The following PLA2G12B variants were observed in gnomAD, a reference collection of about 807,000 sequenced individuals.
PLA2G12B encodes group XIIB secretory phospholipase A2-like protein.
Under a neutral mutation model 22.3 loss-of-function variants are expected in PLA2G12B, and 19 were observed. The observed-to-expected ratio is 0.85, with a 90% confidence interval of 0.60 to 1.25. The LOEUF is 1.25. Among genes scored for constraint, PLA2G12B ranks in the 50% most tolerant of loss-of-function variants. PLA2G12B has a pLI of 0.00. For synonymous variants in PLA2G12B, 81 were observed against 94.9 expected (o/e 0.85, Z 0.85); for missense variants, 191 against 246.6 (o/e 0.77, Z 1.51).
intron 3 of PLA2G12B, 110 bp from the exon 4 acceptor site, chr10:72,935,848 G>T: frequency 7.5e-7 from 1 of 1,337,278 alleles, no homozygotes; most frequent in South Asian, 1.5e-5. Flanking sequence ...TCCAAATACA[G>T]AATTCAAAGG....
chr10:72,939,122 C>T (rs1272115376), intron 3 of PLA2G12B, among the ~76,000 whole-genome samples: 2 of 152,154 alleles, frequency 1.3e-5, no homozygotes, highest in African/African-American at 4.8e-5. Flanking sequence ...GGCCCTGGGG[C>T]TCCTTTTCAG....
intron 1 of PLA2G12B, among the ~76,000 whole-genome samples, chr10:72,943,185 C>T (rs1297454953): frequency 1.3e-5 from 2 of 152,094 alleles, no homozygotes; most frequent in Non-Finnish European, 2.9e-5. Flanking sequence ...AGGTTGGTCT[C>T]GAACTCCTGA....
At chr10:72,945,799 C>T (rs1053304859) in intron 1 of PLA2G12B, among the ~76,000 whole-genome samples, 1 of 152,054 alleles carries the variant, frequency 6.6e-6, no homozygotes, top group African/African-American at 2.4e-5. Flanking sequence ...AGGCACGCAC[C>T]ACCACACCCA....
intron 1 of PLA2G12B, among the ~76,000 whole-genome samples, chr10:72,951,615 A>G (rs1195054241): frequency 1.3e-5 from 2 of 151,494 alleles, no homozygotes; most frequent in African/African-American, 4.9e-5. Context: ...CCGCCACTAC[A>G]CCCGGCTAAT....
intron 2 of PLA2G12B, 32 bp from the exon 3 acceptor site, chr10:72,941,366 G>T: frequency 6.3e-7 from 1 of 1,599,050 alleles, no homozygotes; most frequent in Non-Finnish European, 8.6e-7. Context: ...GAAAAGAAGG[G>T]GAAGAAATGC....
At chr10:72,940,081 C>T (rs2452329) in intron 3 of PLA2G12B, among the ~76,000 whole-genome samples, 152,323 of 152,326 alleles carry the variant, frequency 1, 76,160 homozygotes, top group Non-Finnish European at 1. Flanking sequence ...TCAGCCTCTG[C>T]AGAAACAGAA....
intron 1 of PLA2G12B, among the ~76,000 whole-genome samples, chr10:72,943,110 C>G (rs1846388145): frequency 6.6e-6 from 1 of 151,956 alleles, no homozygotes; most frequent in Non-Finnish European, 1.5e-5. Flanking sequence ...GGATTACAGG[C>G]ATGTGTCACC....
At chr10:72,948,851 A>G (rs1474420681) in intron 1 of PLA2G12B, among the ~76,000 whole-genome samples, 1 of 152,258 alleles carries the variant, frequency 6.6e-6, no homozygotes, top group Non-Finnish European at 1.5e-5. Context: ...GAAATACCAT[A>G]AAAGTCTTAA....
At position 72,954,787 on chromosome 10, in the gene PLA2G12B, A is replaced by G; in HGVS notation, c.-102T>C. ...CCCAGATGTCAGGCAGGACTGGGAA[A>G]GGGATTATCTGGAACATTCAATCTG... On this transcript the variant is annotated 5_prime_UTR_variant, in exon 1 of 4. Transcript: ENST00000373032. The G allele has an allele frequency of 1.6e-6, 2 of 1,215,906 alleles. No individual in the cohort carries two copies. Among genetic ancestry groups the G allele is most frequent in the Non-Finnish European group, 2.3e-6 (2 of 863,588 alleles). The allele number at this position is 1,215,906 out of a possible 1,614,324, so 75.3% of individuals were successfully genotyped here.
At chr10:72,941,141 G>T (rs2132965965) in intron 3 of PLA2G12B, 28 bp downstream of exon 3, 2 of 1,607,528 alleles carry the variant, frequency 1.2e-6, no homozygotes, top group East Asian at 4.5e-5. Flanking sequence ...ACCTCCCTGT[G>T]CACTGTACGT....
chr10:72,953,816 C>G (rs1846571093), intron 1 of PLA2G12B, among the ~76,000 whole-genome samples: 1 of 152,192 alleles, frequency 6.6e-6, no homozygotes, highest in African/African-American at 2.4e-5. Context: ...CAGGGGACAG[C>G]CCCGGGATCC....
chr10:72,952,374 G>A (rs1438939015), intron 1 of PLA2G12B, among the ~76,000 whole-genome samples: 3 of 152,198 alleles, frequency 2.0e-5, no homozygotes, highest in Non-Finnish European at 4.4e-5. Context: ...CACACCTGTA[G>A]CCCAAGCTAA....
chr10:72,945,883 A>G (rs569081467), intron 1 of PLA2G12B, among the ~76,000 whole-genome samples: 77 of 152,256 alleles, frequency 5.1e-4, no homozygotes, highest in Non-Finnish European at 8.4e-4. Flanking sequence ...CCTGGCCTCA[A>G]GTGATCCACC....
Position 72,954,484 on chromosome 10 carries a change from A to G in PLA2G12B, c.202T>C (p.Cys68Arg). 1 of 1,614,172 alleles carries G rather than the reference A, an allele frequency of 6.2e-7. No individual in the cohort carries two copies. The highest frequency in any genetic ancestry group is 8.5e-7 in the Non-Finnish European group (1 of 1,180,034). ...GGKNGVCQYR[C>R]RYGKAPMPRP... Reference sequence around the variant, plus strand: ...GAAACCGCACACTCACCATATCGGCACCTGTACTGACAGACTCCATTCTTC... The same window carrying G: ...GAAACCGCACACTCACCATATCGGCGCCTGTACTGACAGACTCCATTCTTC... Residue 68 changes from cysteine (C) to arginine (R), a missense_variant, in exon 1 of 4, where the codon TGC becomes CGC. Coordinates refer to ENST00000373032, the MANE Select transcript of PLA2G12B (RefSeq NM_032562.5).
intron 2 of PLA2G12B, 55 bp downstream of exon 2, chr10:72,942,597 G>T: frequency 7.3e-7 from 1 of 1,377,026 alleles, no homozygotes; most frequent in South Asian, 1.3e-5. Context: ...GATAACTCTA[G>T]GATTGCTCTC....
chr10:72,940,753 C>G (rs910825891), intron 3 of PLA2G12B, among the ~76,000 whole-genome samples: 3 of 151,576 alleles, frequency 2.0e-5, no homozygotes, highest in Non-Finnish European at 4.4e-5. Flanking sequence ...TTTTTGAACT[C>G]CTACCCTGAC....
At chr10:72,945,169 T>C (rs918605085) in intron 1 of PLA2G12B, among the ~76,000 whole-genome samples, 32 of 152,176 alleles carry the variant, frequency 2.1e-4, no homozygotes, top group African/African-American at 7.7e-4. Flanking sequence ...CAAGATGACT[T>C]CCAATGATCC....
Position 72,949,142 on chromosome 10 carries a change from C to T in PLA2G12B, c.211+5333G>A, listed in dbSNP as rs1019980728. 1.1e-4 allele frequency among the ~76,000 whole-genome samples: 16 copies of T among 152,248 alleles called. 1 individual carries two copies. In the South Asian group the frequency reaches 2.9e-3, roughly 28 times the overall value. On this transcript the variant is annotated intron_variant, in intron 1 of 3. Transcript: ENST00000373032. Reference sequence around the variant, plus strand: ...AGCAAACCACTGTGGCACACATTTACCTGTGTAACCAAATTGCATATCCTG... The same window carrying T: ...AGCAAACCACTGTGGCACACATTTATCTGTGTAACCAAATTGCATATCCTG...
At chr10:72,951,645 G>C (rs1056649448) in intron 1 of PLA2G12B, among the ~76,000 whole-genome samples, 4 of 151,948 alleles carry the variant, frequency 2.6e-5, no homozygotes, top group African/African-American at 7.3e-5. Flanking sequence ...ATTTTTAATA[G>C]AGACAGGGTT....
Sources: allele counts gnomAD v4.1 joint callset (sites outside exome capture counted in the v4.1 genomes callset), GRCh38; gene constraint gnomAD v4.1.1; transcripts MANE v1.5; gene names NCBI Gene and HGNC (gene_info 2026-07-23, HGNC 2026-07-21).